CDKL5: variants seen among roughly 807,000 people sequenced by gnomAD.
CDKL5 encodes cyclin-dependent kinase-like 5.
A neutral mutation model predicts 61.7 loss-of-function variants in CDKL5; 8 were observed. The observed-to-expected ratio is 0.13, with a 90% confidence interval of 0.08 to 0.23. The LOEUF is 0.23. Ranked by LOEUF, CDKL5 falls within the 10% of genes least tolerant of loss-of-function variation. The pLI is 1.00. For missense variants in CDKL5, 440 were observed against 734.5 expected, an observed-to-expected ratio of 0.60 and a Z score of 4.63; for synonymous variants, 275 against 272.3, an observed-to-expected ratio of 1.01 and a Z score of -0.10.
Position 18,506,981 on chromosome X carries a change from C to A in CDKL5, c.-116C>A. 1.8e-6 allele frequency: 1 copy of A among 553,679 alleles called. No homozygotes were observed. The highest frequency in any genetic ancestry group is 3.2e-6 in the Non-Finnish European group (1 of 309,732). 45.6% of individuals were successfully genotyped at this position (553,679 alleles called of 1,213,427 possible). A position where few individuals can be genotyped will look rare whatever the true frequency, so the allele number is the denominator to read the frequency against. ...ATTAGAACAAATATGTGAAAGTTCC[C>A]ACCAACCAGTGAGAATTTCTTCCTT... On this transcript the variant is annotated 5_prime_UTR_variant, in exon 2 of 18. Coordinates refer to ENST00000623535, the MANE Select transcript of CDKL5 (RefSeq NM_001323289.2).
chrX:18,460,854 G>C (rs1354816368), intron 1 of CDKL5, among the ~76,000 whole-genome samples: 1 of 111,866 alleles, frequency 8.9e-6, no homozygotes, highest in Non-Finnish European at 1.9e-5. Context: ...CATCATGTCA[G>C]AATGCTGTGG....
intron 1 of CDKL5, among the ~76,000 whole-genome samples, chrX:18,481,127 G>A (rs760612062): frequency 1.8e-5 from 2 of 110,124 alleles, no homozygotes; most frequent in South Asian, 7.7e-4. Context: ...CCAAAGTGTT[G>A]GGATGACAGG....
rs1288226865 is a variant in CDKL5 at position 18,575,442 on chromosome X, A to G, written c.234A>G (p.Ala78=). 3 of 1,208,493 alleles carry G rather than the reference A, an allele frequency of 2.5e-6. No homozygotes were observed. The highest frequency in any genetic ancestry group is 3.5e-5 in the African/African-American group (2 of 57,214). The change falls in exon 5 of 18, where the codon GCA becomes GCG. Residue 78 remains alanine (A), a synonymous_variant. Coordinates refer to ENST00000623535, the MANE Select transcript of CDKL5 (RefSeq NM_001323289.2). ...AAAACATTGTGGAGTTGAAGGAAGC[A>G]TTTCGTCGGAGGGGAAAGTTGTACT... ...KQENIVELKE[A]FRRRGKLYLV...
chrX:18,553,878 A>G (rs1487126101), intron 3 of CDKL5, among the ~76,000 whole-genome samples: 1 of 111,044 alleles, frequency 9.0e-6, no homozygotes, highest in East Asian at 2.8e-4. Context: ...TAGAAACGGT[A>G]CATGAAGTAA....
intron 15 of CDKL5, among the ~76,000 whole-genome samples, chrX:18,614,834 T>C (rs1216318929): frequency 8.9e-6 from 1 of 112,409 alleles, no homozygotes; most frequent in East Asian, 2.8e-4. Context: ...AATACAGAAG[T>C]GCAGAAGGAA....
intron 6 of CDKL5, 142 bp downstream of exon 6, chrX:18,580,110 T>C (rs903533943): frequency 9.0e-5 from 46 of 512,030 alleles, no homozygotes; most frequent in Non-Finnish European, 1.4e-4. Context: ...GTGCAAGACA[T>C]GAGAAATATT....
chrX:18,576,697 C>T (rs1165963568), intron 5 of CDKL5, among the ~76,000 whole-genome samples: 1 of 109,996 alleles, frequency 9.1e-6, no homozygotes, highest in African/African-American at 3.3e-5. Flanking sequence ...TGTTTGTAAT[C>T]TTAAACCACT....
At chrX:18,457,937 TG>T (rs1436851452) in intron 1 of CDKL5, among the ~76,000 whole-genome samples, 2 of 91,119 alleles carry the variant, frequency 2.2e-5, no homozygotes, top group Non-Finnish European at 4.3e-5. Flanking sequence ...TTTTTTTTTT[TG>T]AGATGGAGTT....
chrX:18,619,622 C>T (rs1926826762), intron 15 of CDKL5, among the ~76,000 whole-genome samples: 1 of 111,925 alleles, frequency 8.9e-6, no homozygotes, highest in African/African-American at 3.2e-5. Context: ...CTTGCAGCAA[C>T]AGTTACAGGT....
chrX:18,485,248 C>G (rs1319714402), intron 1 of CDKL5, among the ~76,000 whole-genome samples: 1 of 110,916 alleles, frequency 9.0e-6, no homozygotes, highest in Non-Finnish European at 1.9e-5. Context: ...TCTTAAATAT[C>G]TCAACTTTAT....
At chrX:18,544,987 G>A (rs1480090800) in intron 3 of CDKL5, among the ~76,000 whole-genome samples, 1 of 111,363 alleles carries the variant, frequency 9.0e-6, no homozygotes, top group Non-Finnish European at 1.9e-5. Context: ...CAGCACTGTG[G>A]GAGGCCAAGG....
chrX:18,469,834 A>G (rs1921021234), intron 1 of CDKL5, among the ~76,000 whole-genome samples: 1 of 111,931 alleles, frequency 8.9e-6, no homozygotes, highest in Admixed American at 9.6e-5. Context: ...CTTCTTTAAA[A>G]TTACCAATTT....
intron 2 of CDKL5, among the ~76,000 whole-genome samples, chrX:18,507,612 C>A (rs755026671): frequency 9.1e-6 from 1 of 109,945 alleles, no homozygotes. Flanking sequence ...CTCACTGTTA[C>A]CCAGACTGGA....
At chrX:18,653,353 G>T in intron 21 of CDKL5, 1 of 1,176,280 alleles carries the variant, frequency 8.5e-7, no homozygotes, top group East Asian at 3.2e-5. Context: ...TCCGTGGGGG[G>T]CCCGGGCATT....
chrX:18,512,154 A>G (rs1442402205), intron 3 of CDKL5, among the ~76,000 whole-genome samples: 1 of 112,015 alleles, frequency 8.9e-6, no homozygotes, highest in Non-Finnish European at 1.9e-5. Context: ...CAAGTGTTGA[A>G]ACTGTAACAA....
chrX:18,513,944 A>G (rs1050577719), intron 3 of CDKL5, among the ~76,000 whole-genome samples: 1 of 112,033 alleles, frequency 8.9e-6, no homozygotes, highest in Non-Finnish European at 1.9e-5. Context: ...ACCTTTAAAA[A>G]TTTAGTGAAA....
At chrX:18,443,811 T>C (rs1391964311) in intron 1 of CDKL5, 1 of 111,399 alleles carries the variant, frequency 9.0e-6, no homozygotes, top group Admixed American at 9.7e-5. Context: ...TTTAGTTTTT[T>C]GGTCTAGGCT....
chrX:18,449,802 T>A (rs2147633667), intron 1 of CDKL5, among the ~76,000 whole-genome samples: 1 of 110,124 alleles, frequency 9.1e-6, no homozygotes, highest in Admixed American at 9.7e-5. Flanking sequence ...TAATTCTTTT[T>A]TTTTTTTTTT....
intron 10 of CDKL5, among the ~76,000 whole-genome samples, chrX:18,597,472 A>C (rs765275216): frequency 9.0e-6 from 1 of 110,651 alleles, no homozygotes; most frequent in African/African-American, 3.3e-5. Context: ...TTTTAGTCTT[A>C]AAAAACGTTT....
Sources: gnomAD v4.1 joint callset for allele counts (sites outside exome capture counted in the v4.1 genomes callset) on GRCh38, gnomAD v4.1.1 for gene constraint, MANE v1.5 for transcripts, NCBI Gene and HGNC (gene_info 2026-07-23, HGNC 2026-07-21) for gene names.